ESYT2: variants seen among roughly 807,000 people sequenced by gnomAD.
The protein encoded by ESYT2 is extended synaptotagmin-2.
A neutral mutation model predicts 107.2 loss-of-function variants in ESYT2; 54 were observed. That is an observed-to-expected ratio of 0.50 (90% CI 0.40 to 0.63). The LOEUF (loss-of-function observed/expected upper bound fraction) is 0.63. Ranked by LOEUF, ESYT2 falls within the 30% of genes least tolerant of loss-of-function variation. ESYT2 has a pLI of 0.00. For missense variants in ESYT2, 1,020 were observed against 1,094.5 expected, an observed-to-expected ratio of 0.93 and a Z score of 0.96; for synonymous variants, 491 against 434.1, an observed-to-expected ratio of 1.13 and a Z score of -1.63.
intron 13 of ESYT2, among the ~76,000 whole-genome samples, chr7:158,753,288 G>T (rs985220394): frequency 6.6e-6 from 1 of 152,176 alleles, no homozygotes; most frequent in African/African-American, 2.4e-5. Flanking sequence ...TGGAACCGCC[G>T]CTGAGACGCA....
At chr7:158,768,157 C>T (rs1309278363) in intron 7 of ESYT2, among the ~76,000 whole-genome samples, 1 of 152,138 alleles carries the variant, frequency 6.6e-6, no homozygotes, top group African/African-American at 2.4e-5. Context: ...CTAAAATACA[C>T]CTCATTGACT....
At chr7:158,805,955 C>G (rs908977797) in intron 1 of ESYT2, among the ~76,000 whole-genome samples, 2 of 152,234 alleles carry the variant, frequency 1.3e-5, no homozygotes, top group African/African-American at 2.4e-5. Flanking sequence ...AAAATAAGGA[C>G]TCTTGCCACG....
chr7:158,822,493 G>A (rs935843218), intron 1 of ESYT2, among the ~76,000 whole-genome samples: 7 of 152,164 alleles, frequency 4.6e-5, no homozygotes, highest in African/African-American at 1.7e-4. Context: ...CCGAGGTGGT[G>A]GCTCACACCT....
intron 1 of ESYT2, among the ~76,000 whole-genome samples, chr7:158,827,162 C>CAAAAAAAAAA (rs34940580): frequency 9.4e-6 from 1 of 106,040 alleles, no homozygotes; most frequent in Admixed American, 9.4e-5. Flanking sequence ...GGCTCTGTCT[C>CAAAAAAAAAA]AAAAAAAAAA....
chr7:158,738,780 G>A (rs950479874), intron 19 of ESYT2, among the ~76,000 whole-genome samples: 2 of 152,316 alleles, frequency 1.3e-5, no homozygotes, highest in Admixed American at 1.3e-4. Context: ...CACATAAAAG[G>A]TACAGTAAAA....
intron 17 of ESYT2, 88 bp downstream of exon 17, chr7:158,743,441 A>G (rs1587375827): frequency 6.6e-7 from 1 of 1,516,822 alleles, no homozygotes; most frequent in Admixed American, 2.3e-5. Context: ...AGCTTTCTTC[A>G]CCGGCCTCAT....
rs1158842302 is a variant in ESYT2, at chr7:158,770,709, G to GTT, written c.803+2630_803+2631dup. The stretch of plus-strand genomic sequence containing the variant: ...TTTTTGTATTTTCAGTAGAGACAGG[G>GTT]TTTCACTGTGTTAGCCAGGATGGTC... On this transcript the variant is annotated intron_variant, in intron 7 of 22. Transcript: ENST00000275418. Among the ~76,000 whole-genome samples the GTT allele has an allele frequency of 2.6e-5, 4 of 152,064 alleles. No individual in the cohort carries two copies. In the South Asian group the frequency reaches 6.2e-4, roughly 24 times the overall value.
At chr7:158,827,174 A>G (rs995529241) in intron 1 of ESYT2, among the ~76,000 whole-genome samples, 32 of 152,004 alleles carry the variant, frequency 2.1e-4, no homozygotes, top group African/African-American at 3.6e-4. Context: ...AAAAAAAAAA[A>G]AAAAGAAAAG....
intron 1 of ESYT2, among the ~76,000 whole-genome samples, chr7:158,805,278 T>C (rs571383869): frequency 6.6e-6 from 1 of 152,366 alleles, no homozygotes; most frequent in South Asian, 2.1e-4. Flanking sequence ...CTGTCTTCTC[T>C]AGAGACTTTG....
At position 158,763,145 on chromosome 7, in the gene ESYT2, A is replaced by G. The variant is rs1238710849; in HGVS notation, c.1122T>C (p.Pro374=). 2 of 1,613,066 alleles carry G rather than the reference A, an allele frequency of 1.2e-6. No individual in the cohort carries two copies. Among genetic ancestry groups the G allele is most frequent in the Non-Finnish European group, 1.7e-6 (2 of 1,179,444 alleles). ...EVYEALVYEH[P]GQELEIELFD... is the part of the protein sequence containing the mutation. ...AGAGCTCAATCTCTAATTCTTGTCC[A>G]GGATGTTCATACACTAAAGCCTAAA... The change falls in exon 10 of 23, where the codon CCT becomes CCC. Residue 374 remains proline, a synonymous_variant. Coordinates refer to ENST00000275418, the MANE Select transcript of ESYT2 (RefSeq NM_001367773.1).
At chr7:158,779,273 T>A (rs534914361) in intron 6 of ESYT2, among the ~76,000 whole-genome samples, 33 of 152,152 alleles carry the variant, frequency 2.2e-4, no homozygotes, top group African/African-American at 7.7e-4. Flanking sequence ...CCAGGTGTAG[T>A]GGCACAAGGA....
At chr7:158,801,207 G>T (rs769399152) in intron 1 of ESYT2, among the ~76,000 whole-genome samples, 18 of 152,188 alleles carry the variant, frequency 1.2e-4, no homozygotes, top group Non-Finnish European at 2.4e-4. Flanking sequence ...GAAACCCTCT[G>T]CCCAAATAAG....
At chr7:158,756,044 A>G (rs942073757) in intron 13 of ESYT2, among the ~76,000 whole-genome samples, 3 of 152,230 alleles carry the variant, frequency 2.0e-5, no homozygotes, top group Non-Finnish European at 4.4e-5. Context: ...ATAAATAAAC[A>G]AAATACCTGC....
At chr7:158,772,942 G>GA (rs1259688180) in intron 7 of ESYT2, among the ~76,000 whole-genome samples, 2 of 149,232 alleles carry the variant, frequency 1.3e-5, no homozygotes, top group Non-Finnish European at 3.0e-5. Flanking sequence ...AGGCTGGAGA[G>GA]ACCCTGGAAA....
At chr7:158,769,620 T>G (rs73519560) in intron 7 of ESYT2, among the ~76,000 whole-genome samples, 2,683 of 152,336 alleles carry the variant, frequency 0.018, 82 homozygotes, top group African/African-American at 0.06. Context: ...TCTTCACCCT[T>G]CTTAAACCTT....
At chr7:158,757,758 T>G (rs949793008) in intron 13 of ESYT2, among the ~76,000 whole-genome samples, 5 of 77,154 alleles carry the variant, frequency 6.5e-5, no homozygotes, top group Admixed American at 4.4e-4. Context: ...CTCTGGGTTT[T>G]TTTTTTTTTG....
chr7:158,750,331 A>T (rs1837541180), intron 14 of ESYT2, among the ~76,000 whole-genome samples: 1 of 152,166 alleles, frequency 6.6e-6, no homozygotes, highest in South Asian at 2.1e-4. Flanking sequence ...GGACTAGGAA[A>T]AACGGTAAGA....
chr7:158,783,318 TTAC>T (rs935239498), intron 6 of ESYT2, among the ~76,000 whole-genome samples: 6 of 152,090 alleles, frequency 3.9e-5, no homozygotes, highest in African/African-American at 1.4e-4. Context: ...TGGGTAACGT[TTAC>T]AATTCCAGGG....
chr7:158,782,090 T>A (rs1838867546), intron 6 of ESYT2, among the ~76,000 whole-genome samples: 1 of 149,726 alleles, frequency 6.7e-6, no homozygotes, highest in African/African-American at 2.5e-5. Context: ...AGAACAAATG[T>A]GAGTGAACGA....
Sources: allele counts gnomAD v4.1 joint callset (sites outside exome capture counted in the v4.1 genomes callset), GRCh38; gene constraint gnomAD v4.1.1; transcripts MANE v1.5; gene names NCBI Gene and HGNC (gene_info 2026-07-23, HGNC 2026-07-21).